TRAPPC8: variants seen among roughly 807,000 people sequenced by gnomAD.
The protein encoded by TRAPPC8 is trafficking protein particle complex subunit 8.
A neutral mutation model predicts 174.3 loss-of-function variants in TRAPPC8; 54 were observed. That is an observed-to-expected ratio of 0.31 (90% CI 0.25 to 0.39). TRAPPC8 has a LOEUF of 0.39. TRAPPC8 is among the 10% of genes least tolerant of loss of function. TRAPPC8 has a pLI of 1.00. For missense variants in TRAPPC8, 1,531 were observed against 1,699.1 expected, an observed-to-expected ratio of 0.90 and a Z score of 1.74; for synonymous variants, 630 against 579.9, an observed-to-expected ratio of 1.09 and a Z score of -1.24.
At chr18:31,897,212 C>A (rs1396386418) in intron 11 of TRAPPC8, among the ~76,000 whole-genome samples, 1 of 152,102 alleles carries the variant, frequency 6.6e-6, no homozygotes, top group Non-Finnish European at 1.5e-5. Context: ...TCTTTACAAG[C>A]CTGCAGTCAA....
At chr18:31,935,553 A>AAAAAAAAAAAAAAAAG (rs2038058289) in intron 1 of TRAPPC8, among the ~76,000 whole-genome samples, 1 of 125,826 alleles carries the variant, frequency 7.9e-6, no homozygotes, top group Non-Finnish European at 1.8e-5. Context: ...CATCTTAAAA[A>AAAAAAAAAAAAAAAAG]AAAAAAAAAA....
chr18:31,909,631 A>C, intron 6 of TRAPPC8, 36 bp downstream of exon 6: 1 of 1,578,406 alleles, frequency 6.3e-7, no homozygotes, highest in South Asian at 1.2e-5. Context: ...GCATATTTTC[A>C]ATCAAAAGAG....
chr18:31,925,896 T>C (rs2037595007), intron 2 of TRAPPC8, among the ~76,000 whole-genome samples: 4 of 152,106 alleles, frequency 2.6e-5, no homozygotes, highest in Admixed American at 2.6e-4. Context: ...ATAAGAACAT[T>C]TTCCAACATT....
intron 1 of TRAPPC8, among the ~76,000 whole-genome samples, chr18:31,934,389 T>C (rs1252550418): frequency 6.6e-6 from 1 of 152,160 alleles, no homozygotes; most frequent in African/African-American, 2.4e-5. Context: ...GGGAGGTGGA[T>C]GTTTCTTGTA....
intron 1 of TRAPPC8, among the ~76,000 whole-genome samples, chr18:31,933,068 A>C (rs569453655): frequency 6.7e-6 from 1 of 149,244 alleles, no homozygotes; most frequent in Non-Finnish European, 1.5e-5. Flanking sequence ...TTGGGAGGCC[A>C]AGGCGGGCAG....
chr18:31,837,952 A>T (rs1463874778), intron 27 of TRAPPC8, among the ~76,000 whole-genome samples: 4 of 136,684 alleles, frequency 2.9e-5, no homozygotes, highest in African/African-American at 9.4e-5. Context: ...TAGCTTTGTT[A>T]AAAAAAAAAT....
At chr18:31,916,593 C>T (rs62093870) in intron 3 of TRAPPC8, 147 bp from the exon 4 acceptor site, 12,571 of 739,428 alleles carry the variant, frequency 0.017, 132 homozygotes, top group Non-Finnish European at 0.021. Flanking sequence ...AGAGCAGTGG[C>T]GTGATCTCGA....
At chr18:31,896,187 C>A (rs1211223754) in intron 11 of TRAPPC8, 3 of 152,102 alleles carry the variant, frequency 2.0e-5, no homozygotes. Flanking sequence ...AAGTACACAA[C>A]TGGTATCATG....
In TRAPPC8 at chr18:31,870,499, G is replaced by A. The variant is rs766329981; in HGVS notation, c.2261C>T (p.Pro754Leu). Reference protein sequence around the residue: ...SRFPLAVVEEPITVEVAFRNP... With the variant: ...SRFPLAVVEELITVEVAFRNP... ...TCTAAAAGCCACTTCCACTGTAATTGGTTCTATTAAAAAAAAGGCCTAAAT... is the reference window on the plus strand; with the variant it reads ...TCTAAAAGCCACTTCCACTGTAATTAGTTCTATTAAAAAAAAGGCCTAAAT... The change falls in exon 16 of 29, where the codon CCA (proline) becomes CTA (leucine). Residue 754 changes from proline to leucine, a missense_variant. Transcript: ENST00000283351. The A allele has an allele frequency of 2.5e-6, 4 of 1,597,740 alleles. No homozygotes were observed. Among genetic ancestry groups the A allele is most frequent in the African/African-American group, 1.4e-5 (1 of 73,828 alleles).
intron 22 of TRAPPC8, chr18:31,852,897 A>G: frequency 2.3e-6 from 1 of 442,634 alleles, no homozygotes; most frequent in Non-Finnish European, 4.0e-6. Context: ...ATATGTATTC[A>G]TATATGCGAC....
At chr18:31,880,427 C>T (rs2035390996) in intron 12 of TRAPPC8, among the ~76,000 whole-genome samples, 1 of 151,832 alleles carries the variant, frequency 6.6e-6, no homozygotes. Context: ...ACAGAAAAAG[C>T]ATTCAATAAA....
At chr18:31,852,763 T>C (rs2033779351) in intron 22 of TRAPPC8, 100 bp from the exon 23 acceptor site, 1 of 922,954 alleles carries the variant, frequency 1.1e-6, no homozygotes, top group Non-Finnish European at 1.7e-6. Context: ...AGAAAATAAT[T>C]CGTAATTATA....
intron 10 of TRAPPC8, 114 bp downstream of exon 10, chr18:31,900,811 A>C: frequency 1.3e-6 from 1 of 763,162 alleles, no homozygotes; most frequent in Non-Finnish European, 2.0e-6. Flanking sequence ...AATCACCTCA[A>C]CTTGTCTCCG....
chr18:31,842,841 T>C (rs574428662), intron 26 of TRAPPC8, among the ~76,000 whole-genome samples: 2 of 152,308 alleles, frequency 1.3e-5, no homozygotes, highest in South Asian at 2.1e-4. Context: ...CCAAAACACT[T>C]TGGGTACCAG....
chr18:31,856,807 CTTTTTT>C lies in TRAPPC8; in HGVS notation c.3188+727_3188+732del, dbSNP rs79712667. Among the ~76,000 whole-genome samples, 4 of 109,952 alleles carry C rather than the reference CTTTTTT, an allele frequency of 3.6e-5. No individual in the cohort carries two copies. The South Asian group carries it at 9.1e-4, about 25-fold the overall frequency. 72.1% of individuals were successfully genotyped at this position (109,952 alleles called of 152,430 possible). A position where few individuals can be genotyped will look rare whatever the true frequency, so the allele number is the denominator to read the frequency against. Reference sequence around the variant, plus strand: ...TCCCTTGATATTCAAATGCTAAAATCTTTTTTTTTTTTTTTTTTTTTTGAGACAGAG... The same window carrying C: ...TCCCTTGATATTCAAATGCTAAAATCTTTTTTTTTTTTTTTTGAGACAGAG... On this transcript the variant is annotated intron_variant, in intron 20 of 28. Coordinates refer to ENST00000283351, the MANE Select transcript of TRAPPC8 (RefSeq NM_014939.5).
At chr18:31,910,694 A>C (rs1226395432) in intron 5 of TRAPPC8, among the ~76,000 whole-genome samples, 2 of 152,204 alleles carry the variant, frequency 1.3e-5, no homozygotes, top group African/African-American at 4.8e-5. Flanking sequence ...CGTAAGTTTA[A>C]AGAAATTAAA....
chr18:31,917,621 C>T lies in TRAPPC8; in HGVS notation c.399G>A (p.Ser133=). ...FESYRETFLQ[S]MPALDHEFLN... The stretch of plus-strand genomic sequence containing the variant: ...GAAATTCATGATCCAATGCTGGCAT[C>T]GACTGAAGAAAGGTTTCTCTGTAAG... The change falls in exon 3 of 29, where the codon TCG becomes TCA. Residue 133 remains serine, a synonymous_variant. Coordinates refer to ENST00000283351, the MANE Select transcript of TRAPPC8 (RefSeq NM_014939.5). The T allele has an allele frequency of 6.2e-7, 1 of 1,613,216 alleles. No individual in the cohort carries two copies. Among genetic ancestry groups the T allele is most frequent in the South Asian group, 1.1e-5 (1 of 90,968 alleles).
chr18:31,839,493 A>C, intron 26 of TRAPPC8, 36 bp from the exon 27 acceptor site: 1 of 1,552,508 alleles, frequency 6.4e-7, no homozygotes, highest in Non-Finnish European at 8.6e-7. Flanking sequence ...GACAATAAAA[A>C]CACTACCTTG....
intron 1 of TRAPPC8, among the ~76,000 whole-genome samples, chr18:31,934,554 T>C (rs1009528891): frequency 6.6e-5 from 10 of 152,122 alleles, no homozygotes; most frequent in African/African-American, 1.2e-4. Context: ...TAGGAACATA[T>C]TGGACAAGTA....
Sources: allele counts gnomAD v4.1 joint callset (sites outside exome capture counted in the v4.1 genomes callset), GRCh38; gene constraint gnomAD v4.1.1; transcripts MANE v1.5; gene names NCBI Gene and HGNC (gene_info 2026-07-23, HGNC 2026-07-21).